The following ROBO2 variants were observed in gnomAD, a reference collection of about 807,000 sequenced individuals.
The protein encoded by ROBO2 is roundabout homolog 2.
In ROBO2, 53 loss-of-function variants were observed where a neutral mutation model predicts 160.8. The observed-to-expected ratio is 0.33, with a 90% CI of 0.26 to 0.41. The LOEUF is 0.41. Among genes scored for constraint, ROBO2 ranks in the 10% least tolerant of loss-of-function variants. The pLI, the probability that ROBO2 is intolerant of heterozygous loss-of-function variation, is 1.00. For missense variants in ROBO2, 1,577 were observed against 1,722.4 expected, an observed-to-expected ratio of 0.92 and a Z score of 1.49; for synonymous variants, 664 against 611.7, an observed-to-expected ratio of 1.09 and a Z score of -1.26.
At chr3:77,216,439 G>A (rs996325726) in intron 2 of ROBO2, among the ~76,000 whole-genome samples, 1 of 152,156 alleles carries the variant, frequency 6.6e-6, no homozygotes, top group African/African-American at 2.4e-5. Context: ...GCAGTATTAG[G>A]GTGGGAGTGA....
chr3:76,714,190 C>T (rs968932698), intron 2 of ROBO2, among the ~76,000 whole-genome samples: 2 of 152,130 alleles, frequency 1.3e-5, no homozygotes, highest in South Asian at 2.1e-4. Context: ...CCATGTGCAG[C>T]GTATACATTT....
chr3:76,436,183 A>ACACACACACACACACACACACCG, intron 2 of ROBO2, among the ~76,000 whole-genome samples: 1 of 28,508 alleles, frequency 3.5e-5, no homozygotes, highest in Non-Finnish European at 6.3e-5. Context: ...CACACACACC[A>ACACACACACACACACACACACCG]TTTCTTTTTC....
intron 2 of ROBO2, among the ~76,000 whole-genome samples, chr3:77,175,332 G>T (rs2080037896): frequency 1.3e-5 from 2 of 151,972 alleles, no homozygotes; most frequent in Admixed American, 1.3e-4. Context: ...ATTAGTTTGG[G>T]TTTTTGGGTT....
At chr3:77,533,636 T>C (rs1173579105) in intron 6 of ROBO2, among the ~76,000 whole-genome samples, 1 of 152,146 alleles carries the variant, frequency 6.6e-6, no homozygotes, top group Non-Finnish European at 1.5e-5. Context: ...ACAACCTTCA[T>C]AGCCAGCGGG....
intron 2 of ROBO2, among the ~76,000 whole-genome samples, chr3:76,336,259 C>T (rs1269154190): frequency 1.3e-5 from 2 of 152,218 alleles, no homozygotes; most frequent in African/African-American, 4.8e-5. Flanking sequence ...ATCACTTTGC[C>T]AATGGCTTAC....
chr3:76,611,435 T>G (rs1302829076), intron 2 of ROBO2, among the ~76,000 whole-genome samples: 1 of 152,186 alleles, frequency 6.6e-6, no homozygotes, highest in African/African-American at 2.4e-5. Flanking sequence ...TTATTACAGC[T>G]TCAATCTCAT....
At chr3:76,802,725 C>G (rs112251110) in intron 2 of ROBO2, among the ~76,000 whole-genome samples, 1 of 117,648 alleles carries the variant, frequency 8.5e-6, no homozygotes, top group African/African-American at 2.8e-5. Context: ...GAGACTCCGT[C>G]TCAAAAAAAA....
intron 5 of ROBO2, among the ~76,000 whole-genome samples, chr3:77,501,808 A>G (rs2087660322): frequency 1.3e-5 from 2 of 152,356 alleles, no homozygotes; most frequent in South Asian, 2.1e-4. Flanking sequence ...CATTTTATGT[A>G]TAGAAGGCAT....
At chr3:77,501,255 T>A (rs1467068773) in intron 5 of ROBO2, among the ~76,000 whole-genome samples, 3 of 152,088 alleles carry the variant, frequency 2.0e-5, no homozygotes, top group Non-Finnish European at 4.4e-5. Flanking sequence ...GATTTACCAC[T>A]GGAGACACTC....
chr3:77,062,287 C>T (rs76272153), intron 1 of ROBO2, among the ~76,000 whole-genome samples: 1,866 of 152,252 alleles, frequency 0.012, 44 homozygotes, highest in African/African-American at 0.042. Flanking sequence ...TTCTGGGAAC[C>T]TTTCCTACCA....
intron 2 of ROBO2, among the ~76,000 whole-genome samples, chr3:76,500,440 G>T (rs2080397301): frequency 1.3e-5 from 2 of 152,292 alleles, no homozygotes; most frequent in Admixed American, 1.3e-4. Context: ...GGAAAATATG[G>T]AATGTAATAT....
At chr3:76,242,867 G>A (rs62268381) in intron 2 of ROBO2, among the ~76,000 whole-genome samples, 18,850 of 152,128 alleles carry the variant, frequency 0.12, 1,837 homozygotes, top group East Asian at 0.42. Context: ...CTGGGCCACA[G>A]AGCACAGGGA....
intron 2 of ROBO2, among the ~76,000 whole-genome samples, chr3:76,385,135 C>A (rs1279702276): frequency 6.6e-6 from 1 of 152,026 alleles, no homozygotes; most frequent in Non-Finnish European, 1.5e-5. Flanking sequence ...GCTGGGAATA[C>A]AGGCATGCAC....
At chr3:77,227,671 G>A (rs941798255) in intron 2 of ROBO2, among the ~76,000 whole-genome samples, 2 of 152,200 alleles carry the variant, frequency 1.3e-5, no homozygotes, top group Non-Finnish European at 2.9e-5. Flanking sequence ...GTGAAAACTT[G>A]TTTGTATGTG....
intron 2 of ROBO2, among the ~76,000 whole-genome samples, chr3:76,238,042 T>C (rs929494868): frequency 6.6e-6 from 1 of 152,158 alleles, no homozygotes; most frequent in African/African-American, 2.4e-5. Flanking sequence ...CCATGCACAT[T>C]ATCACATTAT....
intron 2 of ROBO2, among the ~76,000 whole-genome samples, chr3:76,915,461 G>A (rs2076242495): frequency 6.6e-6 from 1 of 152,016 alleles, no homozygotes; most frequent in South Asian, 2.1e-4. Flanking sequence ...AGGAGTTTGA[G>A]TCCAGCCTGG....
At chr3:75,994,559 C>T (rs905241539) in intron 2 of ROBO2, among the ~76,000 whole-genome samples, 1 of 152,144 alleles carries the variant, frequency 6.6e-6, no homozygotes, top group African/African-American at 2.4e-5. Flanking sequence ...TGGCTTCCAC[C>T]ATGATTGTAA....
intron 5 of ROBO2, among the ~76,000 whole-genome samples, chr3:77,510,499 A>G (rs1329998350): frequency 2.0e-5 from 3 of 152,044 alleles, no homozygotes; most frequent in African/African-American, 7.2e-5. Context: ...CAGTGGCCAA[A>G]GAGAGATGGA....
chr3:76,945,480 A>G (rs1193430173), intron 2 of ROBO2, among the ~76,000 whole-genome samples: 1 of 152,044 alleles, frequency 6.6e-6, no homozygotes, highest in Non-Finnish European at 1.5e-5. Flanking sequence ...TTTTTATCCC[A>G]TTTTGAAAAA....
Sources: allele counts gnomAD v4.1 joint callset (sites outside exome capture counted in the v4.1 genomes callset), GRCh38; gene constraint gnomAD v4.1.1; transcripts MANE v1.5; gene names NCBI Gene and HGNC (gene_info 2026-07-23, HGNC 2026-07-21).